PRDM16: variants seen among roughly 807,000 people sequenced by gnomAD.
PRDM16 encodes the protein histone-lysine N-methyltransferase PRDM16.
A neutral mutation model predicts 110.6 loss-of-function variants in PRDM16; 23 were observed. That is an observed-to-expected ratio of 0.21 (90% CI 0.15 to 0.29). PRDM16 has a LOEUF of 0.29. Ranked by LOEUF, PRDM16 falls within the 10% of genes least tolerant of loss-of-function variation. The pLI is 1.00. For missense variants in PRDM16, 1,615 were observed against 1,794.3 expected, an observed-to-expected ratio of 0.90 and a Z score of 1.81; for synonymous variants, 799 against 781.8, an observed-to-expected ratio of 1.02 and a Z score of -0.37.
At chr1:3,393,575 A>AG (rs1643331646) in intron 4 of PRDM16, among the ~76,000 whole-genome samples, 1 of 152,178 alleles carries the variant, frequency 6.6e-6, no homozygotes, top group Admixed American at 6.5e-5. Context: ...GAGCCGGCGC[A>AG]GGCTGGGTCC....
chr1:3,085,791 A>G (rs577186603), intron 1 of PRDM16, among the ~76,000 whole-genome samples: 1 of 152,214 alleles, frequency 6.6e-6, no homozygotes, highest in Non-Finnish European at 1.5e-5. Context: ...GGTGGGCAGC[A>G]GGTGGCCCTC....
intron 3 of PRDM16, among the ~76,000 whole-genome samples, chr1:3,356,811 G>A (rs1642612152): frequency 6.6e-6 from 1 of 152,226 alleles, no homozygotes; most frequent in African/African-American, 2.4e-5. Context: ...GACCGGGCCA[G>A]TGTGGCGGTT....
chr1:3,411,157 A>G (rs1643679297), intron 8 of PRDM16, among the ~76,000 whole-genome samples: 1 of 152,108 alleles, frequency 6.6e-6, no homozygotes, highest in South Asian at 2.1e-4. Context: ...ACTTACGCAC[A>G]CAGACACACA....
At position 3,201,994 on chromosome 1, in the gene PRDM16, C is replaced by T. The variant is rs1263605407; in HGVS notation, c.387+15520C>T. Among the ~76,000 whole-genome samples, 1 of 152,198 alleles carries T rather than the reference C, an allele frequency of 6.6e-6. No individual in the cohort carries two copies. The highest frequency in any genetic ancestry group is 1.5e-5 in the Non-Finnish European group (1 of 68,040). On this transcript the variant is annotated intron_variant, in intron 2 of 16. Transcript: ENST00000270722. The surrounding 1 kb of genome is among the most constrained non-coding windows in gnomAD (Gnocchi z 4.1). ...TACATAATAGTGGGTCCCACACGTC[C>T]ATGAGGCAGGGGACGCCCTCACAGT... is the stretch of plus-strand genomic sequence containing the variant.
At chr1:3,140,790 C>T (rs1172197174) in intron 1 of PRDM16, among the ~76,000 whole-genome samples, 2 of 152,214 alleles carry the variant, frequency 1.3e-5, no homozygotes, top group Admixed American at 6.5e-5. Flanking sequence ...TGAGGGGTCC[C>T]GCCTCCGTTT....
At chr1:3,249,549 G>GA (rs5772099) in intron 3 of PRDM16, among the ~76,000 whole-genome samples, 347 of 148,194 alleles carry the variant, frequency 2.3e-3, no homozygotes, top group South Asian at 0.012. Context: ...TACCAAAAAA[G>GA]AAAAAAAAAA....
chr1:3,105,177 A>T (rs1339380385), intron 1 of PRDM16, among the ~76,000 whole-genome samples: 1 of 152,156 alleles, frequency 6.6e-6, no homozygotes, highest in Non-Finnish European at 1.5e-5. Flanking sequence ...ACTGGGGAGC[A>T]GGAGCTTCCA....
rs1462942528 is a variant in PRDM16 at position 3,093,893 on chromosome 1, G to A, written c.37+24597G>A. Among the ~76,000 whole-genome samples the A allele has an allele frequency of 3.9e-5, 6 of 152,242 alleles. No homozygotes were observed. In the South Asian group the frequency reaches 6.2e-4, roughly 16 times the overall value. ...CCTGTGCACCCCATCCCACTCGGGC[G>A]GAGAGCAGGCGAGACAAGGAAGGAG... On this transcript the variant is annotated intron_variant, in intron 1 of 16. Transcript: ENST00000270722.
intron 4 of PRDM16, among the ~76,000 whole-genome samples, chr1:3,391,082 C>T: frequency 6.6e-6 from 1 of 152,106 alleles, no homozygotes; most frequent in African/African-American, 2.4e-5. Flanking sequence ...GTGATCTGCC[C>T]GCCTCGGCCT....
At chr1:3,240,056 A>AGGAGAGGAGAAGAGG (rs1220138751) in intron 2 of PRDM16, among the ~76,000 whole-genome samples, 1 of 103,398 alleles carries the variant, frequency 9.7e-6, no homozygotes, top group African/African-American at 4.1e-5. Context: ...AGGAGAGGAG[A>AGGAGAGGAGAAGAGG]AGAGGAGAGG....
At chr1:3,101,527 G>C (rs970836496) in intron 1 of PRDM16, among the ~76,000 whole-genome samples, 1 of 152,236 alleles carries the variant, frequency 6.6e-6, no homozygotes, top group African/African-American at 2.4e-5. Flanking sequence ...AAGGGGACAC[G>C]GGGCCTGGAG....
At chr1:3,335,810 C>A (rs1642134306) in intron 3 of PRDM16, among the ~76,000 whole-genome samples, 1 of 152,216 alleles carries the variant, frequency 6.6e-6, no homozygotes, top group African/African-American at 2.4e-5. Flanking sequence ...CCTCCCCTGG[C>A]ACCCCAGCCA....
chr1:3,291,048 GATCGC>G (rs1640962303), intron 3 of PRDM16, among the ~76,000 whole-genome samples: 1 of 151,900 alleles, frequency 6.6e-6, no homozygotes, highest in Non-Finnish European at 1.5e-5. Context: ...GATGCAGGAG[GATCGC>G]CCAGGCAGCA....
At chr1:3,177,546 G>C (rs2100772237) in intron 1 of PRDM16, among the ~76,000 whole-genome samples, 1 of 152,362 alleles carries the variant, frequency 6.6e-6, no homozygotes, top group Non-Finnish European at 1.5e-5. Context: ...CAGGGCTGCT[G>C]CAAGAATGAG....
At chr1:3,326,526 C>T (rs1463484880) in intron 3 of PRDM16, among the ~76,000 whole-genome samples, 1 of 152,162 alleles carries the variant, frequency 6.6e-6, no homozygotes, top group Non-Finnish European at 1.5e-5. Context: ...GGAATCCGAC[C>T]TGGCCTGGAG....
At chr1:3,356,357 A>G (rs1325373173) in intron 3 of PRDM16, among the ~76,000 whole-genome samples, 1 of 152,196 alleles carries the variant, frequency 6.6e-6, no homozygotes, top group African/African-American at 2.4e-5. Flanking sequence ...CCGTCTGCTC[A>G]GGACGTGCGG....
chr1:3,187,123 G>A (rs958948867), intron 2 of PRDM16, among the ~76,000 whole-genome samples: 4 of 152,332 alleles, frequency 2.6e-5, no homozygotes, highest in South Asian at 4.1e-4. Flanking sequence ...GCTCTGAGAG[G>A]GAAGCACCCG....
Position 3,435,694 on chromosome 1 carries a change from G to C in PRDM16, c.*1883G>C, listed in dbSNP as rs1005379830. On this transcript the variant is annotated 3_prime_UTR_variant, in exon 17 of 17. Coordinates refer to ENST00000270722, the MANE Select transcript of PRDM16 (RefSeq NM_022114.4). ...CATCTCCTCAGGCTTTGTGTCACGCGTGGACATCTCCTCAGGCTGTCCCCA... is the reference window on the plus strand; with the variant it reads ...CATCTCCTCAGGCTTTGTGTCACGCCTGGACATCTCCTCAGGCTGTCCCCA... 1 of 232,688 alleles carries C rather than the reference G, an allele frequency of 4.3e-6. No homozygotes were observed. The highest frequency in any genetic ancestry group is 8.5e-6 in the Non-Finnish European group (1 of 117,708). 14.4% of individuals were successfully genotyped at this position (232,688 alleles called of 1,614,324 possible).
chr1:3,114,206 C>CACGCACGCAT (rs1311534577), intron 1 of PRDM16, among the ~76,000 whole-genome samples: 1 of 130,656 alleles, frequency 7.7e-6, no homozygotes, highest in Non-Finnish European at 1.6e-5. Flanking sequence ...CACGCACGCA[C>CACGCACGCAT]ACACGCACAC....
Sources: allele counts gnomAD v4.1 joint callset (sites outside exome capture counted in the v4.1 genomes callset), GRCh38; gene constraint gnomAD v4.1.1; non-coding constraint Gnocchi (gnomAD v3.1); transcripts MANE v1.5; gene names NCBI Gene and HGNC (gene_info 2026-07-23, HGNC 2026-07-21).